Variants in SMIM36 observed in about 807,000 individuals in gnomAD.
SMIM36 encodes the protein small integral membrane protein 36.
At chr17:55,529,815 A>G in the SMIM36 span, among the ~76,000 whole-genome samples, 1 of 152,070 alleles carries the variant, frequency 6.6e-6, no homozygotes, top group Non-Finnish European at 1.5e-5. Context: ...AAAAAACAAA[A>G]CAAACACATT....
intron 3 of SMIM36, among the ~76,000 whole-genome samples, chr17:55,470,591 C>G (rs921032618): frequency 4.6e-5 from 7 of 152,134 alleles, no homozygotes; most frequent in African/African-American, 9.7e-5. Context: ...TTGCCCAGCT[C>G]CCTTATTAGG....
chr17:55,494,831 T>C (rs1312669858), intron 1 of SMIM36, among the ~76,000 whole-genome samples: 2 of 152,074 alleles, frequency 1.3e-5, no homozygotes, highest in Non-Finnish European at 1.5e-5. Flanking sequence ...CACACACAAG[T>C]ACTAAAATTA....
chr17:55,478,035 A>G (rs1484591566), intron 3 of SMIM36, among the ~76,000 whole-genome samples: 1 of 152,066 alleles, frequency 6.6e-6, no homozygotes, highest in Admixed American at 6.6e-5. Context: ...TCTCTACAAA[A>G]AAATACAAAA....
At chr17:55,529,663 G>A in the SMIM36 span, among the ~76,000 whole-genome samples, 32 of 151,350 alleles carry the variant, frequency 2.1e-4, no homozygotes, top group East Asian at 1.6e-3. Context: ...GTGGTGGCAC[G>A]TGCTTGTAGT....
intron 1 of SMIM36, among the ~76,000 whole-genome samples, chr17:55,488,409 C>T (rs1488679288): frequency 6.6e-6 from 1 of 152,204 alleles, no homozygotes; most frequent in Non-Finnish European, 1.5e-5. Context: ...GGAAATTATA[C>T]CCAAGCATAA....
At chr17:55,488,884 G>A (rs1909653394) in intron 1 of SMIM36, among the ~76,000 whole-genome samples, 1 of 128,134 alleles carries the variant, frequency 7.8e-6, no homozygotes, top group Admixed American at 8.4e-5. Flanking sequence ...AGCAGTATAA[G>A]AGTACTCATT....
At chr17:55,497,778 C>T (rs1395693442) in intron 1 of SMIM36, among the ~76,000 whole-genome samples, 1 of 152,166 alleles carries the variant, frequency 6.6e-6, no homozygotes, top group Non-Finnish European at 1.5e-5. Context: ...CCTAGGCAGC[C>T]TCTATTAAGT....
intron 1 of SMIM36, among the ~76,000 whole-genome samples, chr17:55,501,410 ATTATAAAATATAATATATTATTATATATT>A (rs1383981647): frequency 0.14 from 4,840 of 33,532 alleles, 442 homozygotes; most frequent in East Asian, 0.33. Context: ...ATTATTATAT[ATTATAAAATATAATATATTATTATATATT>A]ATAAAATATA....
intron 1 of SMIM36, among the ~76,000 whole-genome samples, chr17:55,488,638 G>A (rs1055928678): frequency 6.6e-6 from 1 of 152,124 alleles, no homozygotes; most frequent in Non-Finnish European, 1.5e-5. Context: ...CTATTCCATT[G>A]TAAAGATGCA....
At chr17:55,520,938 A>G in the SMIM36 span, among the ~76,000 whole-genome samples, 1 of 152,182 alleles carries the variant, frequency 6.6e-6, no homozygotes, top group Non-Finnish European at 1.5e-5. Flanking sequence ...AACCTGGAGA[A>G]TATGGTGAAA....
chr17:55,499,614 C>T (rs958132105), intron 1 of SMIM36, among the ~76,000 whole-genome samples: 1 of 152,120 alleles, frequency 6.6e-6, no homozygotes, highest in African/African-American at 2.4e-5. Context: ...TGGTTTGGGT[C>T]CTTCCCAAAG....
intron 1 of SMIM36, among the ~76,000 whole-genome samples, chr17:55,493,394 G>T (rs896270714): frequency 6.6e-6 from 1 of 152,158 alleles, no homozygotes; most frequent in African/African-American, 2.4e-5. Flanking sequence ...GGTGTAGTCT[G>T]TAGAATCAGG....
chr17:55,454,653 C>T (rs1908984227), intron 4 of SMIM36, among the ~76,000 whole-genome samples: 1 of 152,204 alleles, frequency 6.6e-6, no homozygotes. Flanking sequence ...TGCTGTGAAA[C>T]TTGCTTTAAA....
intron 4 of SMIM36, among the ~76,000 whole-genome samples, chr17:55,464,923 C>A (rs75186750): frequency 0.035 from 5,331 of 152,242 alleles, 276 homozygotes; most frequent in African/African-American, 0.11. Flanking sequence ...ATTTGCAAAC[C>A]ATAGGCAATT....
chr17:55,452,476 C>A (rs892351925), intron 4 of SMIM36, among the ~76,000 whole-genome samples: 1 of 152,176 alleles, frequency 6.6e-6, no homozygotes, highest in Non-Finnish European at 1.5e-5. Flanking sequence ...TGACCTCGGC[C>A]ATGGATTTCA....
chr17:55,510,153 A>C (rs1053458010), intron 1 of SMIM36, among the ~76,000 whole-genome samples: 9 of 152,096 alleles, frequency 5.9e-5, no homozygotes, highest in Admixed American at 1.3e-4. Flanking sequence ...AACCATGGCC[A>C]CACAGCTAGC....
the SMIM36 span, among the ~76,000 whole-genome samples, chr17:55,529,620 A>ACACACT: frequency 6.6e-6 from 1 of 151,646 alleles, no homozygotes; most frequent in African/African-American, 2.4e-5. Flanking sequence ...ACACACACAC[A>ACACACT]CACACACACA....
At chr17:55,488,723 T>C (rs910205373) in intron 1 of SMIM36, among the ~76,000 whole-genome samples, 6 of 152,236 alleles carry the variant, frequency 3.9e-5, no homozygotes, top group African/African-American at 1.4e-4. Context: ...TTCATCTTTG[T>C]ATACACTTCT....
upstream of SMIM36, among the ~76,000 whole-genome samples, chr17:55,516,024 C>T (rs993939183): frequency 3.9e-5 from 6 of 152,222 alleles, no homozygotes; most frequent in East Asian, 3.9e-4. Flanking sequence ...ATGAAGAAAA[C>T]GCATGGGATG....
Sources: gnomAD v4.1 joint callset for allele counts (sites outside exome capture counted in the v4.1 genomes callset) on GRCh38, gnomAD v4.1.1 for gene constraint, MANE v1.5 for transcripts, NCBI Gene and HGNC (gene_info 2026-07-23, HGNC 2026-07-21) for gene names.